The following DLGAP1 variants were observed in gnomAD, a reference collection of about 807,000 sequenced individuals.
The protein encoded by DLGAP1 is DLG associated protein 1.
DLGAP1 carries 11 observed loss-of-function variants against 90.8 expected under a neutral mutation model. The observed-to-expected ratio is 0.12, with a 90% CI of 0.08 to 0.20. The LOEUF (loss-of-function observed/expected upper bound fraction) is 0.20. Ranked by LOEUF, DLGAP1 falls within the 10% of genes least tolerant of loss-of-function variation. DLGAP1 has a pLI of 1.00. For missense variants in DLGAP1, 1,050 were observed against 1,333.8 expected (o/e 0.79, Z 3.31); for synonymous variants, 558 against 540.7 (o/e 1.03, Z -0.44).
chr18:4,204,511 T>TC (rs1414455187), intron 1 of DLGAP1, among the ~76,000 whole-genome samples: 2 of 151,778 alleles, frequency 1.3e-5, no homozygotes, highest in East Asian at 3.9e-4. Context: ...TGTTGTGGTT[T>TC]TTTTTTTGTT....
chr18:3,844,619 C>T (rs2148653730), intron 4 of DLGAP1, among the ~76,000 whole-genome samples: 1 of 152,206 alleles, frequency 6.6e-6, no homozygotes, highest in Middle Eastern at 3.4e-3. Context: ...ATCATTGCCG[C>T]CATGGTGAAT....
intron 3 of DLGAP1, among the ~76,000 whole-genome samples, chr18:3,981,882 A>G (rs1203961471): frequency 6.6e-6 from 1 of 152,154 alleles, no homozygotes; most frequent in Non-Finnish European, 1.5e-5. Context: ...CCCTCCTCTG[A>G]TCTCCTACAA....
chr18:3,611,700 A>G (rs1177669791), intron 7 of DLGAP1, among the ~76,000 whole-genome samples: 1 of 152,188 alleles, frequency 6.6e-6, no homozygotes, highest in South Asian at 2.1e-4. Context: ...AGTGGTTTCA[A>G]ACCTTTTCCG....
chr18:3,788,263 C>T (rs1297401761), intron 5 of DLGAP1, among the ~76,000 whole-genome samples: 4 of 152,060 alleles, frequency 2.6e-5, no homozygotes, highest in South Asian at 2.1e-4. Context: ...TTGATCGTAT[C>T]GGGAAAAGAT....
chr18:3,811,630 C>G (rs1417036554), intron 5 of DLGAP1, among the ~76,000 whole-genome samples: 1 of 152,200 alleles, frequency 6.6e-6, no homozygotes, highest in East Asian at 1.9e-4. Context: ...TCTGAAGGAG[C>G]TGACCCTCTA....
intron 4 of DLGAP1, among the ~76,000 whole-genome samples, chr18:3,872,674 T>C (rs2070825651): frequency 6.6e-6 from 1 of 152,220 alleles, no homozygotes; most frequent in Admixed American, 6.5e-5. Flanking sequence ...CAATGTGTTC[T>C]ACCATTCACA....
intron 1 of DLGAP1, among the ~76,000 whole-genome samples, chr18:4,355,164 G>T (rs2081481757): frequency 6.6e-6 from 1 of 152,128 alleles, no homozygotes; most frequent in Non-Finnish European, 1.5e-5. Flanking sequence ...GTGCACCCAA[G>T]AATCTGTACA....
At chr18:4,263,704 C>A (rs187574520) in intron 1 of DLGAP1, among the ~76,000 whole-genome samples, 1 of 152,156 alleles carries the variant, frequency 6.6e-6, no homozygotes, top group Non-Finnish European at 1.5e-5. Flanking sequence ...TGCAATTAAT[C>A]AATTCTGGTT....
intron 4 of DLGAP1, among the ~76,000 whole-genome samples, chr18:3,835,934 G>T: frequency 6.6e-6 from 1 of 152,094 alleles, no homozygotes; most frequent in Non-Finnish European, 1.5e-5. Context: ...AGGCACAGTT[G>T]TTATAAAACA....
At chr18:3,940,092 T>C (rs180946868) in intron 3 of DLGAP1, among the ~76,000 whole-genome samples, 2 of 152,336 alleles carry the variant, frequency 1.3e-5, no homozygotes, top group South Asian at 2.1e-4. Flanking sequence ...CCTTATTCTC[T>C]TGGATCAGTT....
intron 7 of DLGAP1, among the ~76,000 whole-genome samples, chr18:3,630,820 T>C (rs1440324659): frequency 6.6e-6 from 1 of 152,192 alleles, no homozygotes; most frequent in Non-Finnish European, 1.5e-5. Flanking sequence ...TTGCTGCTTT[T>C]CAAGAGTATC....
chr18:3,630,097 C>T (rs28513672), intron 7 of DLGAP1, among the ~76,000 whole-genome samples: 4,832 of 152,176 alleles, frequency 0.032, 269 homozygotes, highest in African/African-American at 0.11. Context: ...AAATATTATT[C>T]TGTGTGTGTC....
Position 3,636,970 on chromosome 18 carries a change from G to A in DLGAP1, c.1592-54722C>T, listed in dbSNP as rs1363754049. On this transcript the variant is annotated intron_variant, in intron 7 of 12. Transcript: ENST00000315677. ...GATCTCCTGACCTCATGATCCACCC[G>A]CCTCGGCATCCCAAAATGCTGGGAT... 5.3e-5 allele frequency among the ~76,000 whole-genome samples: 8 copies of A among 151,882 alleles called. 1 individual carries two copies. The highest frequency in any genetic ancestry group is 3.9e-4 in the Admixed American group (6 of 15,246).
At chr18:3,578,850 G>A (rs2055319987) in intron 8 of DLGAP1, among the ~76,000 whole-genome samples, 1 of 152,090 alleles carries the variant, frequency 6.6e-6, no homozygotes, top group Admixed American at 6.6e-5. Context: ...AGTCAAATGA[G>A]AGTCACATAA....
intron 7 of DLGAP1, among the ~76,000 whole-genome samples, chr18:3,599,467 A>G (rs559393377): frequency 6.6e-6 from 1 of 152,198 alleles, no homozygotes; most frequent in Non-Finnish European, 1.5e-5. Context: ...TTGGGGCAGA[A>G]GGATGCCATC....
At chr18:4,194,487 C>T (rs2077457940) in intron 1 of DLGAP1, among the ~76,000 whole-genome samples, 1 of 152,070 alleles carries the variant, frequency 6.6e-6, no homozygotes, top group South Asian at 2.1e-4. Flanking sequence ...TGAAATTGTT[C>T]AGAACTTACA....
chr18:4,126,577 A>T (rs2076236533), intron 2 of DLGAP1, among the ~76,000 whole-genome samples: 1 of 152,180 alleles, frequency 6.6e-6, no homozygotes. Flanking sequence ...GTTTATATGC[A>T]GGTAGATATA....
intron 3 of DLGAP1, among the ~76,000 whole-genome samples, chr18:3,992,593 A>C (rs1455766038): frequency 6.6e-6 from 1 of 152,118 alleles, no homozygotes; most frequent in East Asian, 1.9e-4. Flanking sequence ...CGGGAGGATC[A>C]CTTGAGCCTG....
intron 2 of DLGAP1, among the ~76,000 whole-genome samples, chr18:4,092,299 C>T (rs920265665): frequency 1.6e-4 from 24 of 152,094 alleles, no homozygotes; most frequent in African/African-American, 5.6e-4. Flanking sequence ...CTTATAAGGC[C>T]GACGGGAGTG....
Sources: allele counts gnomAD v4.1 joint callset (sites outside exome capture counted in the v4.1 genomes callset), GRCh38; gene constraint gnomAD v4.1.1; transcripts MANE v1.5; gene names NCBI Gene and HGNC (gene_info 2026-07-23, HGNC 2026-07-21).